DLG2: variants seen among roughly 807,000 people sequenced by gnomAD.
DLG2 encodes disks large homolog 2.
In DLG2, 45 loss-of-function variants were observed where a neutral mutation model predicts 132.5. The ratio of observed to expected loss-of-function variants is 0.34; its 90% CI spans 0.27 to 0.44. DLG2 has a LOEUF of 0.44. Among genes scored for constraint, DLG2 ranks in the 20% least tolerant of loss-of-function variants. The pLI, the probability that DLG2 is intolerant of heterozygous loss-of-function variation, is 1.00. For synonymous variants in DLG2, 424 were observed against 419.6 expected (o/e 1.01, Z -0.13); for missense variants, 1,045 against 1,196.9 (o/e 0.87, Z 1.87).
chr11:83,897,528 A>T (rs2154094793), intron 15 of DLG2, among the ~76,000 whole-genome samples: 1 of 152,328 alleles, frequency 6.6e-6, no homozygotes, highest in Middle Eastern at 3.4e-3. Context: ...AATTTCTTTG[A>T]ATCTCTGCTC....
intron 3 of DLG2, among the ~76,000 whole-genome samples, chr11:85,540,887 G>C (rs143600888): frequency 3.9e-5 from 6 of 152,350 alleles, no homozygotes; most frequent in East Asian, 1.9e-4. Context: ...CACGCCCTGC[G>C]AGGAGGATAA....
intron 6 of DLG2, among the ~76,000 whole-genome samples, chr11:84,659,660 G>A (rs1317311211): frequency 6.6e-6 from 1 of 152,024 alleles, no homozygotes; most frequent in Non-Finnish European, 1.5e-5. Flanking sequence ...TTATCATTTG[G>A]ATGTTGATTT....
chr11:85,199,086 C>T (rs999630097), intron 4 of DLG2, among the ~76,000 whole-genome samples: 4 of 152,114 alleles, frequency 2.6e-5, no homozygotes, highest in African/African-American at 9.7e-5. Flanking sequence ...GAAGTTAAAG[C>T]CTACATCCAC....
At chr11:84,148,097 G>A (rs1465502458) in intron 9 of DLG2, among the ~76,000 whole-genome samples, 1 of 152,064 alleles carries the variant, frequency 6.6e-6, no homozygotes, top group Non-Finnish European at 1.5e-5. Context: ...AACAAGGTCT[G>A]AGTTCAAAGA....
chr11:85,601,230 ACTC>A (rs1322049827), intron 2 of DLG2, among the ~76,000 whole-genome samples: 2 of 151,750 alleles, frequency 1.3e-5, no homozygotes, highest in African/African-American at 4.8e-5. Context: ...TTAGTCTTGA[ACTC>A]CTGACCTCAA....
intron 14 of DLG2, among the ~76,000 whole-genome samples, chr11:83,943,731 T>C (rs1337811682): frequency 6.6e-6 from 1 of 152,238 alleles, no homozygotes; most frequent in Non-Finnish European, 1.5e-5. Flanking sequence ...TCTTTTTTAC[T>C]GGTGCATCTA....
chr11:83,660,671 C>CACACT (rs1406650695), intron 18 of DLG2, among the ~76,000 whole-genome samples: 11 of 152,104 alleles, frequency 7.2e-5, no homozygotes, highest in Non-Finnish European at 1.5e-4. Flanking sequence ...GATAAAGTCA[C>CACACT]ACACTAACAT....
intron 11 of DLG2, among the ~76,000 whole-genome samples, chr11:83,984,125 G>C (rs1390087285): frequency 1.3e-5 from 2 of 151,986 alleles, no homozygotes; most frequent in Non-Finnish European, 2.9e-5. Flanking sequence ...CAAGTATGTA[G>C]TTGACATTTG....
chr11:85,609,901 A>G (rs2080869563), intron 2 of DLG2, among the ~76,000 whole-genome samples: 1 of 152,154 alleles, frequency 6.6e-6, no homozygotes, highest in African/African-American at 2.4e-5. Flanking sequence ...CCTCAGTTGT[A>G]ATTGGGAGAC....
intron 18 of DLG2, among the ~76,000 whole-genome samples, chr11:83,685,437 G>C (rs1393370519): frequency 6.6e-6 from 1 of 152,080 alleles, no homozygotes; most frequent in Non-Finnish European, 1.5e-5. Flanking sequence ...ACCATTCCCA[G>C]CATTTGGCAG....
intron 6 of DLG2, among the ~76,000 whole-genome samples, chr11:84,982,377 G>C (rs79405930): frequency 6.6e-6 from 1 of 151,834 alleles, no homozygotes; most frequent in South Asian, 2.1e-4. Context: ...CTTACAAAGC[G>C]GATGATATCT....
intron 3 of DLG2, among the ~76,000 whole-genome samples, chr11:85,591,590 A>T (rs1392002309): frequency 1.3e-5 from 2 of 152,162 alleles, no homozygotes; most frequent in Admixed American, 6.5e-5. Flanking sequence ...AAAAAATACA[A>T]AAATTAGCTG....
intron 3 of DLG2, among the ~76,000 whole-genome samples, chr11:85,317,242 G>A (rs981744567): frequency 2.6e-5 from 4 of 151,766 alleles, no homozygotes; most frequent in African/African-American, 9.7e-5. Context: ...CATAGACGGG[G>A]CTCCATTTTA....
chr11:84,400,553 A>G (rs1433449160), intron 7 of DLG2, among the ~76,000 whole-genome samples: 4 of 152,210 alleles, frequency 2.6e-5, no homozygotes, highest in Non-Finnish European at 5.9e-5. Flanking sequence ...CCACTCTAAC[A>G]GGAAAACCCT....
chr11:84,523,819 T>C (rs2099311820), intron 7 of DLG2, among the ~76,000 whole-genome samples: 2 of 152,214 alleles, frequency 1.3e-5, no homozygotes. Flanking sequence ...TAATCACTAT[T>C]AACACTTATC....
intron 7 of DLG2, among the ~76,000 whole-genome samples, chr11:84,365,023 T>C (rs2098673376): frequency 6.6e-6 from 1 of 152,176 alleles, no homozygotes; most frequent in African/African-American, 2.4e-5. Flanking sequence ...GATGCTGGCC[T>C]CATAAAATGA....
At chr11:84,046,220 T>C (rs758503572) in intron 11 of DLG2, among the ~76,000 whole-genome samples, 152 of 151,758 alleles carry the variant, frequency 1.0e-3, no homozygotes, top group Non-Finnish European at 1.7e-3. Context: ...CATGTTCAAT[T>C]AATGCTTTGT....
intron 19 of DLG2, among the ~76,000 whole-genome samples, chr11:83,577,483 AT>A (rs1290434580): frequency 1.6e-5 from 2 of 128,658 alleles, no homozygotes; most frequent in African/African-American, 6.7e-5. Flanking sequence ...AATAGGATAT[AT>A]TATATATATA....
At chr11:84,553,332 G>A (rs564433420) in intron 6 of DLG2, among the ~76,000 whole-genome samples, 8 of 152,240 alleles carry the variant, frequency 5.3e-5, no homozygotes, top group South Asian at 4.1e-4. Context: ...TAGAGAAAAC[G>A]CAATGACCAG....
Sources: allele counts gnomAD v4.1 joint callset (sites outside exome capture counted in the v4.1 genomes callset), GRCh38; gene constraint gnomAD v4.1.1; transcripts MANE v1.5; gene names NCBI Gene and HGNC (gene_info 2026-07-23, HGNC 2026-07-21).